ASXL3: variants seen among roughly 807,000 people sequenced by gnomAD.
The protein encoded by ASXL3 is putative Polycomb group protein ASXL3.
In ASXL3, 34 loss-of-function variants were observed where a neutral mutation model predicts 170.6. The ratio of observed to expected loss-of-function variants is 0.20; its 90% CI spans 0.15 to 0.27. ASXL3 has a LOEUF of 0.27. Ranked by LOEUF, ASXL3 falls within the 10% of genes least tolerant of loss-of-function variation. ASXL3 has a pLI of 1.00. For missense variants in ASXL3, 2,592 were observed against 2,695.3 expected, an observed-to-expected ratio of 0.96 and a Z score of 0.85; for synonymous variants, 1,002 against 989.1, an observed-to-expected ratio of 1.01 and a Z score of -0.24.
intron 8 of ASXL3, among the ~76,000 whole-genome samples, chr18:33,721,252 G>A (rs2067254089): frequency 6.6e-6 from 1 of 152,068 alleles, no homozygotes; most frequent in African/African-American, 2.4e-5. Flanking sequence ...GTCATGTGGT[G>A]GGATCAGGAG....
At position 33,740,076 on chromosome 18, in the gene ASXL3, A is replaced by C. The variant is rs1287313472; in HGVS notation, c.2672A>C (p.Asp891Ala). ...TTATCTGTCTTTTCTGAAGGGACAGATAATAAGGGAAATGAGCTTCCATCT... is the reference window on the plus strand; with the variant it reads ...TTATCTGTCTTTTCTGAAGGGACAGCTAATAAGGGAAATGAGCTTCCATCT... ...LELSVFSEGT[D>A]NKGNELPSAK... The change falls in exon 11 of 12, where the codon GAT becomes GCT. Residue 891 changes from aspartate to alanine, a missense_variant. Physicochemically the swap from Asp to Ala is moderately radical, Grantham distance 126. Around this residue, in one of 4 missense-constraint regions of ASXL3, gnomAD observed 2,246 missense variants for 2,219.6 expected, o/e 1.01. Coordinates refer to ENST00000269197, the MANE Select transcript of ASXL3 (RefSeq NM_030632.3). 1 of 1,613,992 alleles carries C rather than the reference A, an allele frequency of 6.2e-7. No individual in the cohort carries two copies.
At chr18:33,697,829 C>G (rs549155663) in intron 8 of ASXL3, among the ~76,000 whole-genome samples, 35 of 118,508 alleles carry the variant, frequency 3.0e-4, no homozygotes, top group African/African-American at 1.1e-3. Flanking sequence ...CATAATGAGA[C>G]TCTGTCTCTC....
chr18:33,671,862 T>G lies in ASXL3; in HGVS notation c.711T>G (p.Gly237=), dbSNP rs770092341. The change falls in exon 7 of 12, where the codon GGT becomes GGG. Residue 237 remains glycine (G), a synonymous_variant. Coordinates refer to ENST00000269197, the MANE Select transcript of ASXL3 (RefSeq NM_030632.3). The stretch of plus-strand genomic sequence containing the variant: ...ACTTAAAACGATTAAAAAAGTCTGG[T>G]TTAGGTGAGTGTTTAATAGACTATG... ...SQHLKRLKKS[G]LGHLKWTKAE... is the part of the protein sequence containing the mutation. The G allele has an allele frequency of 3.1e-6, 5 of 1,602,220 alleles. No individual in the cohort carries two copies. In the Admixed American group the frequency reaches 8.5e-5, roughly 27 times the overall value.
Position 33,683,399 on chromosome 18 carries a change from T to C in ASXL3, c.716-6T>C, listed in dbSNP as rs1324588546. On this transcript the variant is annotated splice_polypyrimidine_tract_variant and splice_region_variant and intron_variant, in intron 7 of 11. Transcript: ENST00000269197. ...TAAATTCATGCCTCTTGCTTGTTCA[T>C]CACAGGGCACTTGAAATGGACCAAA... 3 of 1,610,088 alleles carry C rather than the reference T, an allele frequency of 1.9e-6. No homozygotes were observed. In the South Asian group the frequency reaches 3.3e-5, roughly 18 times the overall value.
Position 33,746,415 on chromosome 18 carries a change from T to TGGTCAGAACGCTCAGATGCCC in ASXL3, c.6569_6589dup (p.Gly2190_Pro2196dup), listed in dbSNP as rs2067794831. 6.2e-7 allele frequency: 1 copy of TGGTCAGAACGCTCAGATGCCC among 1,613,848 alleles called. No homozygotes were observed. The highest frequency in any genetic ancestry group is 1.7e-5 in the Admixed American group (1 of 60,012). On this transcript the variant is annotated inframe_insertion, in exon 12 of 12. Coordinates refer to ENST00000269197, the MANE Select transcript of ASXL3 (RefSeq NM_030632.3). ...GCTCCAATCCTGCCACAGGCTTGTC[T>TGGTCAGAACGCTCAGATGCCC]GGTCAGAACGCTCAGATGCCCGTTC...
Position 33,739,501 on chromosome 18 carries a change from A to G in ASXL3, c.2097A>G (p.Pro699=). Residue 699 remains proline (P), a synonymous_variant, in exon 11 of 12, where the codon CCA becomes CCG. Coordinates refer to ENST00000269197, the MANE Select transcript of ASXL3 (RefSeq NM_030632.3). ...ISEASLMSNL[P]LTSEASPVSN... The stretch of plus-strand genomic sequence containing the variant: ...AAGCATCTCTTATGTCCAACTTACC[A>G]TTAACATCTGAAGCATCACCAGTAT... 1 of 1,613,946 alleles carries G rather than the reference A, an allele frequency of 6.2e-7. No individual in the cohort carries two copies. The highest frequency in any genetic ancestry group is 8.5e-7 in the Non-Finnish European group (1 of 1,179,842).
chr18:33,621,076 G>C (rs186313666), intron 2 of ASXL3, among the ~76,000 whole-genome samples: 1 of 152,210 alleles, frequency 6.6e-6, no homozygotes, highest in East Asian at 1.9e-4. Context: ...ACCACATTAG[G>C]ATGCAAACTA....
At chr18:33,731,082 A>G (rs1051385854) in intron 8 of ASXL3, among the ~76,000 whole-genome samples, 3 of 152,172 alleles carry the variant, frequency 2.0e-5, no homozygotes, top group Non-Finnish European at 2.9e-5. Flanking sequence ...TTTATGTTCA[A>G]TATTCTCCTT....
intron 2 of ASXL3, among the ~76,000 whole-genome samples, chr18:33,613,722 C>T (rs962568990): frequency 1.1e-4 from 16 of 152,030 alleles, no homozygotes; most frequent in African/African-American, 3.9e-4. Flanking sequence ...AGTTTAAGAC[C>T]AGCCTGGACA....
Position 33,744,506 on chromosome 18 carries a change from C to T in ASXL3, c.4658C>T (p.Pro1553Leu), listed in dbSNP as rs374446513. The change falls in exon 12 of 12, where the codon CCG (proline) becomes CTG (leucine). Residue 1553 changes from proline to leucine, a missense_variant. Transcript: ENST00000269197. Reference protein sequence around the residue: ...SAAKQDSKTLPATCTSLRELP... With the variant: ...SAAKQDSKTLLATCTSLRELP... The stretch of plus-strand genomic sequence containing the variant: ...GCAAAACAAGACAGTAAAACATTGC[C>T]GGCCACCTGCACAAGTCTCCGAGAA... 2.0e-5 allele frequency: 32 copies of T among 1,612,214 alleles called. No individual in the cohort carries two copies. In the African/African-American group the frequency reaches 2.0e-4, roughly 10 times the overall value.
At chr18:33,612,686 A>G (rs1374293632) in intron 2 of ASXL3, among the ~76,000 whole-genome samples, 1 of 152,082 alleles carries the variant, frequency 6.6e-6, no homozygotes, top group African/African-American at 2.4e-5. Context: ...TTCTATTACC[A>G]TGTATAGTGA....
chr18:33,689,087 G>A (rs907484685), intron 8 of ASXL3, among the ~76,000 whole-genome samples: 2 of 151,822 alleles, frequency 1.3e-5, no homozygotes, highest in African/African-American at 2.4e-5. Context: ...TCCGCCTCCC[G>A]GGTTCAAGCG....
chr18:33,638,008 G>A (rs2065794504), intron 2 of ASXL3, among the ~76,000 whole-genome samples: 1 of 151,866 alleles, frequency 6.6e-6, no homozygotes, highest in Non-Finnish European at 1.5e-5. Flanking sequence ...TAAATAGAGT[G>A]CTCAATAAAT....
chr18:33,690,749 C>A (rs1238301661), intron 8 of ASXL3, among the ~76,000 whole-genome samples: 1 of 152,156 alleles, frequency 6.6e-6, no homozygotes, highest in East Asian at 1.9e-4. Context: ...TTGTAGGTAG[C>A]CAGTCTTCCA....
intron 1 of ASXL3, 147 bp downstream of exon 1, chr18:33,578,832 G>A (rs908366945): frequency 2.5e-6 from 1 of 398,412 alleles, no homozygotes; most frequent in East Asian, 1.2e-4. Context: ...CTGCGGGAGT[G>A]GGCTCGCCCG....
At chr18:33,713,347 C>CG (rs375810679) in intron 8 of ASXL3, among the ~76,000 whole-genome samples, 6 of 141,682 alleles carry the variant, frequency 4.2e-5, no homozygotes, top group Non-Finnish European at 6.2e-5. Context: ...CTCCACCCCC[C>CG]CCCGGGTTCA....
In ASXL3 at chr18:33,743,214, GACCTCTA is replaced by G. The variant is rs2067695695; in HGVS notation, c.3368_3374del (p.Thr1123LysfsTer18). On this transcript the variant is annotated frameshift_variant, in exon 12 of 12. Transcript: ENST00000269197. LOFTEE classifies it high-confidence loss of function. ...ATCAAGCTCGAGCCCATCTCTTCCAGACCTCTAAAGAGACCCGGTTGCCTCCTCCGCT... is the reference window on the plus strand; with the variant it reads ...ATCAAGCTCGAGCCCATCTCTTCCAGAAGAGACCCGGTTGCCTCCTCCGCT... The G allele has an allele frequency of 3.1e-6, 5 of 1,613,830 alleles. No homozygotes were observed. Among genetic ancestry groups the G allele is most frequent in the Non-Finnish European group, 4.2e-6 (5 of 1,179,888 alleles).
intron 5 of ASXL3, 78 bp downstream of exon 5, chr18:33,661,815 C>T (rs2145233371): frequency 3.5e-6 from 5 of 1,439,594 alleles, no homozygotes; most frequent in Non-Finnish European, 4.7e-6. Context: ...ATCAAGTAAA[C>T]AATAACCTAG....
intron 4 of ASXL3, among the ~76,000 whole-genome samples, chr18:33,655,436 A>T (rs1277213786): frequency 6.6e-6 from 1 of 152,002 alleles, no homozygotes; most frequent in Admixed American, 6.6e-5. Flanking sequence ...TCTTAGGAAA[A>T]AATTGCTGTT....
Sources: allele counts gnomAD v4.1 joint callset (sites outside exome capture counted in the v4.1 genomes callset), GRCh38; gene constraint gnomAD v4.1.1; regional missense constraint gnomAD v4.1.1; transcripts MANE v1.5; gene names NCBI Gene and HGNC (gene_info 2026-07-23, HGNC 2026-07-21).